CCDC85A: variants seen among roughly 807,000 people sequenced by gnomAD.
CCDC85A encodes coiled-coil domain containing 85A, also known as coiled-coil domain-containing protein 85A.
Under a neutral mutation model 50.2 loss-of-function variants are expected in CCDC85A, and 38 were observed. That is an observed-to-expected ratio of 0.76 (90% CI 0.58 to 0.99). The LOEUF is 0.99. Among genes scored for constraint, CCDC85A ranks in the 50% least tolerant of loss-of-function variants. The pLI, the probability that CCDC85A is intolerant of heterozygous loss-of-function variation, is 0.00. For synonymous variants in CCDC85A, 366 were observed against 301.4 expected, an observed-to-expected ratio of 1.21 and a Z score of -2.22; for missense variants, 820 against 742.0, an observed-to-expected ratio of 1.11 and a Z score of -1.22.
intron 2 of CCDC85A, among the ~76,000 whole-genome samples, chr2:56,292,563 A>T (rs1671762926): frequency 6.6e-6 from 1 of 152,190 alleles, no homozygotes; most frequent in African/African-American, 2.4e-5. Flanking sequence ...TTTAAGTAGG[A>T]TGGGGAAAAT....
intron 2 of CCDC85A, among the ~76,000 whole-genome samples, chr2:56,339,722 A>G (rs1459795858): frequency 6.6e-6 from 1 of 152,164 alleles, no homozygotes; most frequent in Non-Finnish European, 1.5e-5. Context: ...TGAACTTTTC[A>G]CTTGGATGGC....
At chr2:56,301,482 C>T (rs1573209860) in intron 2 of CCDC85A, among the ~76,000 whole-genome samples, 2 of 152,040 alleles carry the variant, frequency 1.3e-5, no homozygotes, top group Admixed American at 6.6e-5. Flanking sequence ...TATAAGTGCC[C>T]CTCCAGTGAT....
chr2:56,227,087 G>A (rs985724508), intron 2 of CCDC85A, among the ~76,000 whole-genome samples: 1 of 152,230 alleles, frequency 6.6e-6, no homozygotes, highest in African/African-American at 2.4e-5. Context: ...AACTTGAGTA[G>A]CTGCATAGAA....
At chr2:56,185,626 G>A (rs1675989710) in intron 1 of CCDC85A, 1 of 152,506 alleles carries the variant, frequency 6.6e-6, no homozygotes, top group Non-Finnish European at 1.5e-5. Context: ...TACCCCAAGT[G>A]TTGGTCAGTG....
chr2:56,276,967 C>T (rs1191292413), intron 2 of CCDC85A, among the ~76,000 whole-genome samples: 1 of 152,160 alleles, frequency 6.6e-6, no homozygotes, highest in Admixed American at 6.5e-5. Flanking sequence ...CTTAGAATTA[C>T]TACACAGCCT....
Position 56,384,454 on chromosome 2 carries a change from G to A in CCDC85A, c.*99G>A. On this transcript the variant is annotated 3_prime_UTR_variant, in exon 6 of 6. Coordinates refer to ENST00000407595, the MANE Select transcript of CCDC85A (RefSeq NM_001080433.2). ...GGGTTTCCACAAACCTGGACTCATG[G>A]AATAACATGGAGTGATTGTACATTG... The A allele has an allele frequency of 6.3e-6, 6 of 959,678 alleles. No individual in the cohort carries two copies. Among genetic ancestry groups the A allele is most frequent in the South Asian group, 5.5e-5 (4 of 73,258 alleles). The allele number at this position is 959,678 out of a possible 1,614,324, so 59.4% of individuals were successfully genotyped here.
intron 1 of CCDC85A, among the ~76,000 whole-genome samples, chr2:56,187,326 C>T (rs756010813): frequency 2.0e-5 from 3 of 152,126 alleles, no homozygotes; most frequent in Non-Finnish European, 2.9e-5. Context: ...TTTGAAATTG[C>T]ATCTAAATAT....
intron 2 of CCDC85A, among the ~76,000 whole-genome samples, chr2:56,265,840 C>T (rs1670415392): frequency 6.6e-6 from 1 of 152,124 alleles, no homozygotes. Context: ...TATATCTGCA[C>T]TCCCATATTT....
At chr2:56,261,884 T>C (rs1670233346) in intron 2 of CCDC85A, among the ~76,000 whole-genome samples, 1 of 152,148 alleles carries the variant, frequency 6.6e-6, no homozygotes, top group African/African-American at 2.4e-5. Context: ...AGCTCTCAAC[T>C]GCCCAGAGGC....
At chr2:56,347,460 GCTTAGCCAT>G (rs1416189695) in intron 3 of CCDC85A, among the ~76,000 whole-genome samples, 2 of 152,124 alleles carry the variant, frequency 1.3e-5, no homozygotes, top group African/African-American at 4.8e-5. Context: ...CATTGGATCT[GCTTAGCCAT>G]CTGAGATTTG....
rs564051403 is a variant in CCDC85A at position 56,274,186 on chromosome 2, G to C, written c.1241-68693G>C. ...ACCCCTGCCCCTACCATTGGTCCCA[G>C]TCACTGTCTATCCCATGTTTCTTTT... On this transcript the variant is annotated intron_variant, in intron 2 of 5. Transcript: ENST00000407595. 4.2e-4 allele frequency among the ~76,000 whole-genome samples: 64 copies of C among 152,214 alleles called. 1 individual carries two copies. Among genetic ancestry groups the C allele is most frequent in the African/African-American group, 1.5e-3 (62 of 41,548 alleles).
chr2:56,289,627 A>G (rs985366035), intron 2 of CCDC85A, among the ~76,000 whole-genome samples: 2 of 152,098 alleles, frequency 1.3e-5, no homozygotes, highest in African/African-American at 4.8e-5. Flanking sequence ...TGAGGCGGAG[A>G]TGTAGGCATG....
chr2:56,225,515 A>G (rs923241982), intron 2 of CCDC85A, among the ~76,000 whole-genome samples: 1 of 152,168 alleles, frequency 6.6e-6, no homozygotes, highest in Non-Finnish European at 1.5e-5. Context: ...TTATGCCAGT[A>G]CCAGAGTGTC....
chr2:56,208,901 A>C (rs1338641880), intron 2 of CCDC85A, among the ~76,000 whole-genome samples: 1 of 152,114 alleles, frequency 6.6e-6, no homozygotes, highest in Non-Finnish European at 1.5e-5. Context: ...ACCCCACAGC[A>C]GACCTCAAAA....
At chr2:56,349,438 A>G (rs1674794276) in intron 3 of CCDC85A, among the ~76,000 whole-genome samples, 1 of 152,220 alleles carries the variant, frequency 6.6e-6, no homozygotes, top group African/African-American at 2.4e-5. Flanking sequence ...ATCATGCTAG[A>G]AAACCTAAAT....
intron 3 of CCDC85A, among the ~76,000 whole-genome samples, chr2:56,364,286 A>C (rs1189524186): frequency 6.6e-6 from 1 of 151,990 alleles, no homozygotes; most frequent in African/African-American, 2.4e-5. Flanking sequence ...AATTTTTGTA[A>C]AAAGGCATCC....
At chr2:56,214,139 T>C (rs1233769573) in intron 2 of CCDC85A, among the ~76,000 whole-genome samples, 2 of 151,874 alleles carry the variant, frequency 1.3e-5, no homozygotes, top group Non-Finnish European at 2.9e-5. Context: ...ATGTTAAGAG[T>C]ATGAGATCTG....
At chr2:56,282,789 C>T (rs904974201) in intron 2 of CCDC85A, among the ~76,000 whole-genome samples, 12 of 152,230 alleles carry the variant, frequency 7.9e-5, no homozygotes, top group African/African-American at 2.7e-4. Flanking sequence ...GGATTACAGG[C>T]GTGAGCCACC....
intron 2 of CCDC85A, among the ~76,000 whole-genome samples, chr2:56,254,065 T>C (rs917236146): frequency 2.8e-4 from 43 of 152,316 alleles, no homozygotes; most frequent in African/African-American, 1.0e-3. Flanking sequence ...TGCACACACA[T>C]ATACACATAT....
Sources: allele counts gnomAD v4.1 joint callset (sites outside exome capture counted in the v4.1 genomes callset), GRCh38; gene constraint gnomAD v4.1.1; transcripts MANE v1.5; gene names NCBI Gene and HGNC (gene_info 2026-07-23, HGNC 2026-07-21).